Variants in RMC1 observed in about 807,000 individuals in gnomAD.
RMC1 encodes regulator of MON1-CCZ1.
RMC1 carries 44 observed loss-of-function variants against 95.5 expected under a neutral mutation model. That is an observed-to-expected ratio of 0.46 (90% CI 0.36 to 0.59). RMC1 has a LOEUF of 0.59. RMC1 is among the 20% of genes least tolerant of loss of function. RMC1 has a pLI of 0.00. For missense variants in RMC1, 705 were observed against 819.6 expected, an observed-to-expected ratio of 0.86 and a Z score of 1.71; for synonymous variants, 320 against 303.6, an observed-to-expected ratio of 1.05 and a Z score of -0.56.
rs1479442358 is a variant in RMC1, at chr18:23,503,607, G to A, written c.-12G>A. The A allele has an allele frequency of 6.5e-6, 10 of 1,542,072 alleles. No homozygotes were observed. The highest frequency in any genetic ancestry group is 8.7e-6 in the Non-Finnish European group (10 of 1,144,866). On this transcript the variant is annotated 5_prime_UTR_variant, in exon 1 of 20. Coordinates refer to ENST00000269221, the MANE Select transcript of RMC1 (RefSeq NM_013326.5). ...CGCCCCCGGGGCCCCCGCCGCGGGC[G>A]CGGCGCCCGCCATGGGCGAGGAGGA...
Position 23,503,592 on chromosome 18 carries a change from GCCCC to G in RMC1, c.-25_-22del. The G allele has an allele frequency of 6.5e-7, 1 of 1,531,834 alleles. No homozygotes were observed. Among genetic ancestry groups the G allele is most frequent in the Non-Finnish European group, 8.8e-7 (1 of 1,137,408 alleles). 94.9% of individuals were successfully genotyped at this position (1,531,834 alleles called of 1,614,324 possible). On this transcript the variant is annotated 5_prime_UTR_variant, in exon 1 of 20. Transcript: ENST00000269221. ...CTCCACTCTGGCGACCGCCCCCGGG[GCCCC>G]CGCCGCGGGCGCGGCGCCCGCCATG...
At chr18:23,519,409 T>C (rs1055577425) in intron 9 of RMC1, among the ~76,000 whole-genome samples, 4 of 152,022 alleles carry the variant, frequency 2.6e-5, no homozygotes, top group Non-Finnish European at 5.9e-5. Flanking sequence ...TCCCAGCTAC[T>C]TGTGGGGCTA....
At position 23,531,748 on chromosome 18, in the gene RMC1, TTTA is replaced by T. The variant is rs1256306059; in HGVS notation, c.*47_*49del. On this transcript the variant is annotated 3_prime_UTR_variant, in exon 20 of 20. Transcript: ENST00000269221. ...TATATAAAAATGTGTACAAAGTTAA[TTTA>T]TTGCATTAATAAAGCTCTTTAAACT... 16 of 1,588,620 alleles carry T rather than the reference TTTA, an allele frequency of 1.0e-5. No homozygotes were observed. Among genetic ancestry groups the T allele is most frequent in the Middle Eastern group, 3.4e-4 (2 of 5,946 alleles).
chr18:23,512,056 CGT>C (rs1192174040), intron 5 of RMC1, among the ~76,000 whole-genome samples: 5 of 148,540 alleles, frequency 3.4e-5, no homozygotes, highest in Non-Finnish European at 7.4e-5. Flanking sequence ...AGTCTCACTC[CGT>C]CGCCCAGGCT....
intron 2 of RMC1, 66 bp from the exon 3 acceptor site, chr18:23,506,904 T>A (rs2057730915): frequency 8.8e-7 from 1 of 1,132,194 alleles, no homozygotes; most frequent in Non-Finnish European, 1.3e-6. Context: ...GTCTTTTGCC[T>A]TTTCAATAAA....
intron 19 of RMC1, chr18:23,531,300 T>G: frequency 4.2e-6 from 1 of 237,774 alleles, no homozygotes; most frequent in Non-Finnish European, 7.9e-6. Flanking sequence ...TGGTTGATCA[T>G]TCTCATCTCC....
intron 19 of RMC1, 189 bp from the exon 20 acceptor site, chr18:23,531,436 A>G: frequency 8.1e-7 from 1 of 1,235,120 alleles, no homozygotes; most frequent in Non-Finnish European, 1.1e-6. Flanking sequence ...GACAGGTTAG[A>G]TAGAATCTCT....
intron 5 of RMC1, among the ~76,000 whole-genome samples, chr18:23,512,771 A>G (rs970903222): frequency 6.6e-6 from 1 of 151,926 alleles, no homozygotes; most frequent in Non-Finnish European, 1.5e-5. Flanking sequence ...AACATACAAC[A>G]TTTATTATCT....
chr18:23,526,034 T>C (rs1353115549), intron 12 of RMC1, among the ~76,000 whole-genome samples: 1 of 152,230 alleles, frequency 6.6e-6, no homozygotes, highest in Admixed American at 6.5e-5. Context: ...AGCTGCTCTG[T>C]ACCTGCCTTG....
intron 7 of RMC1, 103 bp from the exon 8 acceptor site, chr18:23,518,787 C>A: frequency 9.9e-7 from 1 of 1,008,698 alleles, no homozygotes; most frequent in South Asian, 1.5e-5. Context: ...GCAAAATACT[C>A]CATTAAGTGA....
At position 23,527,675 on chromosome 18, in the gene RMC1, T is replaced by C. The variant is rs970008780; in HGVS notation, c.1190-120T>C. 2.0e-5 allele frequency: 12 copies of C among 596,052 alleles called. 1 individual carries two copies. Among genetic ancestry groups the C allele is most frequent in the Non-Finnish European group, 3.4e-5 (12 of 353,558 alleles). 36.9% of individuals were successfully genotyped at this position (596,052 alleles called of 1,614,324 possible). The stretch of plus-strand genomic sequence containing the variant: ...GTCAGGTCTTTAAAGTAGAGTGTCC[T>C]TTAAAGGTACTTTTGCATTGGTAAC... On this transcript the variant is annotated intron_variant, in intron 13 of 19. Transcript: ENST00000269221.
At chr18:23,506,249 T>C (rs2057714059) in intron 2 of RMC1, 1 of 151,906 alleles carries the variant, frequency 6.6e-6, no homozygotes, top group Admixed American at 6.6e-5. Flanking sequence ...CTTAATATTA[T>C]GCAATATGTG....
At chr18:23,519,729 T>C (rs2058096014) in intron 9 of RMC1, among the ~76,000 whole-genome samples, 1 of 152,210 alleles carries the variant, frequency 6.6e-6, no homozygotes, top group Non-Finnish European at 1.5e-5. Flanking sequence ...ATCCGCTCCA[T>C]TCCACGAGTA....
Position 23,515,766 on chromosome 18 carries a change from C to T in RMC1, c.409-90C>T, listed in dbSNP as rs1301028846. ...CAGGCTGGTCTCGAACTCCTGACCTCAGGTGATCCGCCCACCTTAGCCTCC... is the reference window on the plus strand; with the variant it reads ...CAGGCTGGTCTCGAACTCCTGACCTTAGGTGATCCGCCCACCTTAGCCTCC... On this transcript the variant is annotated intron_variant, in intron 5 of 19. Coordinates refer to ENST00000269221, the MANE Select transcript of RMC1 (RefSeq NM_013326.5). 3 of 1,494,970 alleles carry T rather than the reference C, an allele frequency of 2.0e-6. No homozygotes were observed. In the African/African-American group the frequency reaches 4.1e-5, roughly 21 times the overall value. 92.6% of individuals were successfully genotyped at this position (1,494,970 alleles called of 1,614,324 possible). A position where few individuals can be genotyped will look rare whatever the true frequency, so the allele number is the denominator to read the frequency against.
At position 23,516,342 on chromosome 18, in the gene RMC1, C is replaced by T. The variant is rs143371359; in HGVS notation, c.572C>T (p.Pro191Leu). 126 of 1,614,180 alleles carry T rather than the reference C, an allele frequency of 7.8e-5. No individual in the cohort carries two copies. The African/African-American group carries it at 1.6e-3, about 20-fold the overall frequency. Residue 191 changes from proline to leucine, a missense_variant, in exon 7 of 20, where the codon CCC becomes CTC. Pro to Leu is a moderately conservative substitution (Grantham distance 98, BLOSUM62 -3). Coordinates refer to ENST00000269221, the MANE Select transcript of RMC1 (RefSeq NM_013326.5). ...CAGGCTGGCACTATGTCGAAGCTGCCCAAATTTGAGATTGAATTACCAGCT... is the reference window on the plus strand; with the variant it reads ...CAGGCTGGCACTATGTCGAAGCTGCTCAAATTTGAGATTGAATTACCAGCT... Reference protein sequence around the residue: ...HFRAGTMSKLPKFEIELPAAP... With the variant: ...HFRAGTMSKLLKFEIELPAAP...
rs2057732123 is a variant in RMC1, at chr18:23,506,972, T to C, written c.182T>C (p.Met61Thr). The C allele has an allele frequency of 6.3e-7, 1 of 1,594,900 alleles. No homozygotes were observed. The highest frequency in any genetic ancestry group is 1.3e-5 in the African/African-American group (1 of 74,340). Residue 61 changes from methionine to threonine, a missense_variant and splice_region_variant, in exon 3 of 20, where the codon ATG (methionine) becomes ACG (threonine). Transcript: ENST00000269221. ...PDDRNPISFR[M>T]DDKGEVKCIK... ...TAACACAATCTTTCTTCTTAAAGAA[T>C]GGATGACAAAGGAGAAGTGAAGTGC... is the stretch of plus-strand genomic sequence containing the variant.
chr18:23,503,997 C>T (rs894009849), intron 1 of RMC1, among the ~76,000 whole-genome samples: 15 of 152,192 alleles, frequency 9.9e-5, no homozygotes, highest in African/African-American at 3.6e-4. Flanking sequence ...CTTATCTAGG[C>T]TTCTTTTGTT....
intron 5 of RMC1, among the ~76,000 whole-genome samples, chr18:23,512,091 GCT>G (rs1399388873): frequency 6.7e-6 from 1 of 150,226 alleles, no homozygotes; most frequent in Non-Finnish European, 1.5e-5. Context: ...TGCGATCTCG[GCT>G]CACGGCAACC....
At chr18:23,512,909 C>T (rs1034640714) in intron 5 of RMC1, among the ~76,000 whole-genome samples, 2 of 152,100 alleles carry the variant, frequency 1.3e-5, no homozygotes, top group Non-Finnish European at 2.9e-5. Flanking sequence ...CTTATCCCTT[C>T]CCTGCAGCCC....
Sources: gnomAD v4.1 joint callset for allele counts (sites outside exome capture counted in the v4.1 genomes callset) on GRCh38, gnomAD v4.1.1 for gene constraint, MANE v1.5 for transcripts, NCBI Gene and HGNC (gene_info 2026-07-23, HGNC 2026-07-21) for gene names.